SPOPL: variants seen among roughly 807,000 people sequenced by gnomAD.
SPOPL encodes the protein speckle type BTB/POZ protein like, also known as speckle-type POZ protein-like.
In SPOPL, 23 loss-of-function variants were observed where a neutral mutation model predicts 53.8. That is an observed-to-expected ratio of 0.43 (90% CI 0.31 to 0.61). The LOEUF is 0.61. SPOPL is among the 20% of genes least tolerant of loss of function. The pLI, the probability that SPOPL is intolerant of heterozygous loss-of-function variation, is 0.12. For synonymous variants in SPOPL, 164 were observed against 149.7 expected (o/e 1.10, Z -0.70); for missense variants, 442 against 466.9 (o/e 0.95, Z 0.49).
chr2:138,518,433 T>C (rs114332840), intron 1 of SPOPL, among the ~76,000 whole-genome samples: 1,655 of 152,348 alleles, frequency 0.011, 32 homozygotes, highest in African/African-American at 0.037. Context: ...TGAAGAATTA[T>C]TCTCTTTCTG....
chr2:138,525,188 C>CTCACA (rs1301432970), intron 1 of SPOPL, among the ~76,000 whole-genome samples: 1 of 152,206 alleles, frequency 6.6e-6, no homozygotes, highest in Admixed American at 6.5e-5. Flanking sequence ...AAAGGCATGT[C>CTCACA]TCACATGGTG....
At chr2:138,514,322 GGCTTCCGTTTGAGTTT>G (rs1469308054) in intron 1 of SPOPL, among the ~76,000 whole-genome samples, 1 of 152,108 alleles carries the variant, frequency 6.6e-6, no homozygotes, top group African/African-American at 2.4e-5. Context: ...TGGGAGAGAG[GGCTTCCGTTTGAGTTT>G]CTGATTTGCC....
chr2:138,513,151 C>G (rs1305880992), intron 1 of SPOPL, among the ~76,000 whole-genome samples: 2 of 152,226 alleles, frequency 1.3e-5, no homozygotes, highest in African/African-American at 4.8e-5. Flanking sequence ...GCCATGATGG[C>G]TCACGCCTGT....
At chr2:138,524,535 CATT>C (rs1017547478) in intron 1 of SPOPL, among the ~76,000 whole-genome samples, 1 of 152,220 alleles carries the variant, frequency 6.6e-6, no homozygotes, top group African/African-American at 2.4e-5. Context: ...ATTTTCCAAA[CATT>C]TATACTCTTT....
At chr2:138,532,584 G>A (rs1397061668) in intron 1 of SPOPL, among the ~76,000 whole-genome samples, 3 of 145,164 alleles carry the variant, frequency 2.1e-5, no homozygotes, top group Non-Finnish European at 4.5e-5. Flanking sequence ...CTACCACCAC[G>A]CCCGGCTAAT....
chr2:138,513,659 G>C (rs1362649038), intron 1 of SPOPL, among the ~76,000 whole-genome samples: 1 of 151,468 alleles, frequency 6.6e-6, no homozygotes, highest in East Asian at 1.9e-4. Flanking sequence ...AAGATCACTT[G>C]AGCTCAGGAG....
intron 1 of SPOPL, among the ~76,000 whole-genome samples, chr2:138,536,151 ATC>A (rs1357159909): frequency 1.3e-5 from 2 of 152,022 alleles, no homozygotes; most frequent in Non-Finnish European, 2.9e-5. Flanking sequence ...AGTTTCTGTT[ATC>A]TGTTTTTTTC....
chr2:138,570,670 G>A lies in SPOPL; in HGVS notation c.*1590G>A, dbSNP rs1685761549. 1 of 152,112 alleles carries A rather than the reference G, an allele frequency of 6.6e-6. No individual in the cohort carries two copies. The highest frequency in any genetic ancestry group is 2.4e-5 in the African/African-American group (1 of 41,428). The allele number at this position is 152,112 out of a possible 1,614,324, so 9.4% of individuals were successfully genotyped here. The stretch of plus-strand genomic sequence containing the variant: ...ATAACTATTCTTCAGATTAAAATTT[G>A]TATAATTTGTTTATTTAATGTTTGA... On this transcript the variant is annotated 3_prime_UTR_variant, in exon 11 of 11. Transcript: ENST00000280098.
At chr2:138,512,507 A>T (rs1460403620) in intron 1 of SPOPL, among the ~76,000 whole-genome samples, 2 of 152,208 alleles carry the variant, frequency 1.3e-5, no homozygotes, top group Non-Finnish European at 2.9e-5. Context: ...TGCACAGTGT[A>T]TAGAGGAAAG....
chr2:138,558,976 A>G (rs898727624), intron 5 of SPOPL, 46 bp from the exon 6 acceptor site: 1 of 1,495,648 alleles, frequency 6.7e-7, no homozygotes, highest in South Asian at 1.4e-5. Flanking sequence ...CTAATTACTG[A>G]TATTACTTTG....
intron 1 of SPOPL, among the ~76,000 whole-genome samples, chr2:138,515,911 A>C (rs1436180399): frequency 6.6e-6 from 1 of 152,218 alleles, no homozygotes; most frequent in East Asian, 1.9e-4. Context: ...TGTGCTCTAC[A>C]TATTCAAAAG....
intron 1 of SPOPL, among the ~76,000 whole-genome samples, chr2:138,537,135 G>C (rs1363337204): frequency 2.0e-5 from 3 of 152,166 alleles, no homozygotes; most frequent in Non-Finnish European, 2.9e-5. Flanking sequence ...TCAGCATTAA[G>C]TAGCTAGAGG....
Position 138,570,001 on chromosome 2 carries a change from T to C in SPOPL, c.*921T>C, listed in dbSNP as rs531040523. Reference sequence around the variant, plus strand: ...AGGGAATTAATAAGGTATAATTAATTGTGTCTTAACTTTTCAAAGAAATTT... The same window carrying C: ...AGGGAATTAATAAGGTATAATTAATCGTGTCTTAACTTTTCAAAGAAATTT... On this transcript the variant is annotated 3_prime_UTR_variant, in exon 11 of 11. Coordinates refer to ENST00000280098, the MANE Select transcript of SPOPL (RefSeq NM_001001664.3). 3.9e-5 allele frequency: 6 copies of C among 152,674 alleles called. No homozygotes were observed. In the South Asian group the frequency reaches 1.2e-3, roughly 32 times the overall value. 9.5% of individuals were successfully genotyped at this position (152,674 alleles called of 1,614,324 possible). A position where few individuals can be genotyped will look rare whatever the true frequency, so the allele number is the denominator to read the frequency against.
chr2:138,541,823 G>A (rs887914061), intron 1 of SPOPL, among the ~76,000 whole-genome samples: 24 of 152,230 alleles, frequency 1.6e-4, no homozygotes, highest in African/African-American at 5.3e-4. Context: ...TTTTAATTGT[G>A]ATATTAGTGT....
At chr2:138,526,209 A>G (rs1200198750) in intron 1 of SPOPL, among the ~76,000 whole-genome samples, 1 of 152,202 alleles carries the variant, frequency 6.6e-6, no homozygotes, top group East Asian at 1.9e-4. Flanking sequence ...ACAAAGTGGA[A>G]TGGACCCACA....
At chr2:138,547,029 G>A (rs1008204586) in intron 1 of SPOPL, among the ~76,000 whole-genome samples, 7 of 152,020 alleles carry the variant, frequency 4.6e-5, no homozygotes, top group African/African-American at 7.2e-5. Flanking sequence ...GCAGTGGTGC[G>A]ATCTTGCCTC....
chr2:138,541,025 G>C (rs1685060423), intron 1 of SPOPL, among the ~76,000 whole-genome samples: 1 of 152,228 alleles, frequency 6.6e-6, no homozygotes, highest in Middle Eastern at 3.4e-3. Context: ...CATTGTTTCT[G>C]TTTATATGCT....
intron 10 of SPOPL, among the ~76,000 whole-genome samples, chr2:138,568,371 G>T (rs1347684623): frequency 6.6e-6 from 1 of 152,096 alleles, no homozygotes; most frequent in Non-Finnish European, 1.5e-5. Flanking sequence ...AGAATTTGGG[G>T]TTGGGGAGAG....
Position 138,564,801 on chromosome 2 carries a change from T to G in SPOPL, c.931T>G (p.Leu311Val), listed in dbSNP as rs755377799. 2 of 1,614,178 alleles carry G rather than the reference T, an allele frequency of 1.2e-6. No homozygotes were observed. The highest frequency in any genetic ancestry group is 1.7e-5 in the Admixed American group (1 of 60,024). ...TGCAGATACCCTTGTCCTTGCAGAT[T>G]TGCACAGTGCAGAACAGTTGAAAGC... ...NVADTLVLAD[L>V]HSAEQLKAQA... The change falls in exon 9 of 11, where the codon TTG (leucine) becomes GTG (valine). Residue 311 changes from leucine (L) to valine (V), a missense_variant. Leu to Val is a conservative substitution (Grantham distance 32). Coordinates refer to ENST00000280098, the MANE Select transcript of SPOPL (RefSeq NM_001001664.3).
Sources: gnomAD v4.1 joint callset for allele counts (sites outside exome capture counted in the v4.1 genomes callset) on GRCh38, gnomAD v4.1.1 for gene constraint, MANE v1.5 for transcripts, NCBI Gene and HGNC (gene_info 2026-07-23, HGNC 2026-07-21) for gene names.